SYT7: variants seen among roughly 807,000 people sequenced by gnomAD.
The protein encoded by SYT7 is synaptotagmin-7.
Under a neutral mutation model 75.1 loss-of-function variants are expected in SYT7, and 29 were observed. The observed-to-expected ratio is 0.39, with a 90% CI of 0.29 to 0.53. SYT7 has a LOEUF of 0.53. SYT7 is among the 20% of genes least tolerant of loss of function. The probability of loss-of-function intolerance (pLI) is 0.77; values close to 1 mark genes in which losing one functional copy is unlikely to be tolerated. For missense variants in SYT7, 693 were observed against 953.2 expected (o/e 0.73, Z 3.59); for synonymous variants, 376 against 401.7 (o/e 0.94, Z 0.76).
intron 6 of SYT7, among the ~76,000 whole-genome samples, chr11:61,541,456 G>A (rs1283960106): frequency 1.3e-5 from 2 of 152,126 alleles, no homozygotes; most frequent in Non-Finnish European, 2.9e-5. Flanking sequence ...GGGGGTGGGC[G>A]AATGGCTGGT....
At chr11:61,552,937 C>T (rs548134003) in intron 2 of SYT7, among the ~76,000 whole-genome samples, 78 of 152,308 alleles carry the variant, frequency 5.1e-4, no homozygotes, top group African/African-American at 1.8e-3. Flanking sequence ...TCCTATCTCC[C>T]GGCACGTGCT....
Position 61,523,895 on chromosome 11 carries a change from G to A in SYT7, c.1688C>T (p.Ala563Val). 6.2e-7 allele frequency: 1 copy of A among 1,614,052 alleles called. No individual in the cohort carries two copies. The highest frequency in any genetic ancestry group is 8.5e-7 in the Non-Finnish European group (1 of 1,179,970). ...GATGATGTTCACGATGATGGAGTTG[G>A]CAGAGGGGTTGTAGCAGAGAGACAA... The part of the protein sequence containing the change: ...LLLSLCYNPS[A>V]NSIIVNIIKA... The change falls in exon 11 of 13, where the codon GCC becomes GTC. Residue 563 changes from alanine to valine, a missense_variant. Coordinates refer to ENST00000539008, the MANE Select transcript of SYT7 (RefSeq NM_001365809.2). The surrounding 1 kb of genome is among the most constrained non-coding windows in gnomAD (Gnocchi z 5.0).
At chr11:61,544,761 G>A (rs1462916349) in intron 5 of SYT7, among the ~76,000 whole-genome samples, 2 of 152,238 alleles carry the variant, frequency 1.3e-5, no homozygotes, top group African/African-American at 4.8e-5. Context: ...AGGCTGGGAG[G>A]GTGGGGCACT....
rs1427447043 is a variant in SYT7, at chr11:61,551,981, G to A, written c.136-518C>T. Among the ~76,000 whole-genome samples, 1 of 152,108 alleles carries A rather than the reference G, an allele frequency of 6.6e-6. No individual in the cohort carries two copies. The highest frequency in any genetic ancestry group is 1.9e-4 in the East Asian group (1 of 5,180). On this transcript the variant is annotated intron_variant, in intron 2 of 12. Coordinates refer to ENST00000539008, the MANE Select transcript of SYT7 (RefSeq NM_001365809.2). The surrounding 1 kb of genome is among the most constrained non-coding windows in gnomAD (Gnocchi z 5.3). ...ACCACTGTCTGGGGGTTCTCTGGGGGGTCCTTGTGCCCTGGGGCTGTAAGG... is the reference window on the plus strand; with the variant it reads ...ACCACTGTCTGGGGGTTCTCTGGGGAGTCCTTGTGCCCTGGGGCTGTAAGG...
In SYT7 at chr11:61,538,132, C is replaced by A. The variant is rs771139010; in HGVS notation, c.1064+12G>T. On this transcript the variant is annotated intron_variant, in intron 7 of 12. Coordinates refer to ENST00000539008, the MANE Select transcript of SYT7 (RefSeq NM_001365809.2). ...TGCCGCCGCCGCCGCAGGCCCTCGC[C>A]TGTGCTCGTACCTCTTGTCCCCCTG... 1 of 1,535,882 alleles carries A rather than the reference C, an allele frequency of 6.5e-7. No individual in the cohort carries two copies. Among genetic ancestry groups the A allele is most frequent in the South Asian group, 1.2e-5 (1 of 84,058 alleles).
rs2062173576 is a variant in SYT7 at position 61,517,338 on chromosome 11, A to T, written c.*1289T>A. Reference sequence around the variant, plus strand: ...TGTGTGGCAACCTCAGAACTCACAGAATCCTGGTCTTTTCCCTGCCTCCTT... The same window carrying T: ...TGTGTGGCAACCTCAGAACTCACAGTATCCTGGTCTTTTCCCTGCCTCCTT... On this transcript the variant is annotated 3_prime_UTR_variant, in exon 13 of 13. Transcript: ENST00000539008. The T allele has an allele frequency of 2.5e-6, 1 of 398,652 alleles. No homozygotes were observed. Among genetic ancestry groups the T allele is most frequent in the Non-Finnish European group, 4.4e-6 (1 of 226,096 alleles). The allele number at this position is 398,652 out of a possible 1,614,324, so 24.7% of individuals were successfully genotyped here.
chr11:61,587,415 T>C, the SYT7 span, among the ~76,000 whole-genome samples: 8 of 152,232 alleles, frequency 5.3e-5, no homozygotes, highest in South Asian at 2.1e-4. Flanking sequence ...ATGATAGCAA[T>C]TGACCTGTTT....
At chr11:61,549,783 G>T (rs1325657725) in intron 3 of SYT7, among the ~76,000 whole-genome samples, 2 of 152,206 alleles carry the variant, frequency 1.3e-5, no homozygotes, top group African/African-American at 4.8e-5. Context: ...GGCCGCTGCT[G>T]CCTCACTTTG....
intron 9 of SYT7, 25 bp downstream of exon 9, chr11:61,527,890 C>CG: frequency 6.2e-7 from 1 of 1,609,328 alleles, no homozygotes; most frequent in Non-Finnish European, 8.5e-7. Flanking sequence ...GTGACCATGG[C>CG]GGGGGAAGGT....
Position 61,523,952 on chromosome 11 carries a change from C to A in SYT7, c.1642-11G>T. 1 of 1,612,556 alleles carries A rather than the reference C, an allele frequency of 6.2e-7. No individual in the cohort carries two copies. The highest frequency in any genetic ancestry group is 8.5e-7 in the Non-Finnish European group (1 of 1,178,734). ...CTCCCCTCGGCTCCCCTGGGAGGCA[C>A]GACAGGAGGGGTGTGGGGAACTAGG... On this transcript the variant is annotated splice_polypyrimidine_tract_variant and intron_variant, in intron 10 of 12. Coordinates refer to ENST00000539008, the MANE Select transcript of SYT7 (RefSeq NM_001365809.2). This position sits in a 1 kb window ranked among gnomAD's most constrained non-coding sequence, Gnocchi z 5.0.
chr11:61,517,372 CTG>C lies in SYT7; in HGVS notation c.*1253_*1254del, dbSNP rs2062174417. On this transcript the variant is annotated 3_prime_UTR_variant, in exon 13 of 13. Transcript: ENST00000539008. ...CTTTTCCCTGCCTCCTTTCCCTGCA[CTG>C]TGAGTGAGTCGGGCAGAAGGAGCTG... 3 of 398,620 alleles carry C rather than the reference CTG, an allele frequency of 7.5e-6. No individual in the cohort carries two copies. Among genetic ancestry groups the C allele is most frequent in the Non-Finnish European group, 1.3e-5 (3 of 226,156 alleles). 24.7% of individuals were successfully genotyped at this position (398,620 alleles called of 1,614,324 possible).
chr11:61,542,697 C>T lies in SYT7; in HGVS notation c.573-118G>A. ...CCAGTGCAGGGTGCGCGCTGCCGGA[C>T]CTCGCCAGGCCTCCATCGGAGCTGT... On this transcript the variant is annotated intron_variant, in intron 5 of 12. Transcript: ENST00000539008. The surrounding 1 kb of genome is among the most constrained non-coding windows in gnomAD (Gnocchi z 7.8). 1.5e-6 allele frequency: 2 copies of T among 1,375,656 alleles called. No individual in the cohort carries two copies. Among genetic ancestry groups the T allele is most frequent in the Non-Finnish European group, 1.9e-6 (2 of 1,069,354 alleles). The allele number at this position is 1,375,656 out of a possible 1,614,324, so 85.2% of individuals were successfully genotyped here.
intron 7 of SYT7, among the ~76,000 whole-genome samples, chr11:61,535,271 G>A (rs780330720): frequency 3.3e-5 from 5 of 152,210 alleles, no homozygotes; most frequent in Non-Finnish European, 7.3e-5. Flanking sequence ...AGGGAGGAGC[G>A]TGCGGCCAAC....
At position 61,546,555 on chromosome 11, in the gene SYT7, C is replaced by T; in HGVS notation, c.348-300G>A. 2.1e-6 allele frequency: 1 copy of T among 486,786 alleles called. No homozygotes were observed. The highest frequency in any genetic ancestry group is 1.7e-5 in the South Asian group (1 of 59,752). The allele number at this position is 486,786 out of a possible 1,614,324, so 30.2% of individuals were successfully genotyped here. ...CGCACCACGACAACGGAGGGGGGGC[C>T]CCTCCCCACCGCCTGGGGCAGGGGC... On this transcript the variant is annotated intron_variant, in intron 4 of 12. Coordinates refer to ENST00000539008, the MANE Select transcript of SYT7 (RefSeq NM_001365809.2). The surrounding 1 kb of genome is among the most constrained non-coding windows in gnomAD (Gnocchi z 7.6).
upstream of SYT7, among the ~76,000 whole-genome samples, chr11:61,582,972 A>G (rs1306910490): frequency 6.6e-6 from 1 of 152,134 alleles, no homozygotes; most frequent in East Asian, 1.9e-4. Flanking sequence ...TCACACCTGT[A>G]AGCCCAGCAC....
At chr11:61,565,085 C>T (rs937788748) in intron 1 of SYT7, among the ~76,000 whole-genome samples, 1 of 152,166 alleles carries the variant, frequency 6.6e-6, no homozygotes, top group East Asian at 1.9e-4. Context: ...ACGTCCCCAT[C>T]CTGAGCTTGC....
In SYT7 at chr11:61,551,051, G is replaced by A. The variant is rs2063333731; in HGVS notation, c.215+333C>T. On this transcript the variant is annotated intron_variant, in intron 3 of 12. Coordinates refer to ENST00000539008, the MANE Select transcript of SYT7 (RefSeq NM_001365809.2). The surrounding 1 kb of genome is among the most constrained non-coding windows in gnomAD (Gnocchi z 5.3). ...CCATGAGAGGGGCTTGGAGGTCCAG[G>A]GAAGCCGGCGGGTGGTGGGCACAGT... Among the ~76,000 whole-genome samples the A allele has an allele frequency of 6.6e-6, 1 of 152,146 alleles. No individual in the cohort carries two copies. The highest frequency in any genetic ancestry group is 1.5e-5 in the Non-Finnish European group (1 of 68,012).
In SYT7 at chr11:61,580,718, A is replaced by C; in HGVS notation, c.31+72T>G. On this transcript the variant is annotated intron_variant, in intron 1 of 12. Transcript: ENST00000539008. This position sits in a 1 kb window ranked among gnomAD's most constrained non-coding sequence, Gnocchi z 6.1. ...ACAACAGCCCCAGGCTGGGGCTCCGAGACGGCGTCCGGCGCTGCCGCTGTC... is the reference window on the plus strand; with the variant it reads ...ACAACAGCCCCAGGCTGGGGCTCCGCGACGGCGTCCGGCGCTGCCGCTGTC... The C allele has an allele frequency of 9.4e-7, 1 of 1,061,482 alleles. No homozygotes were observed. The highest frequency in any genetic ancestry group is 4.3e-5 in the South Asian group (1 of 23,142). The allele number at this position is 1,061,482 out of a possible 1,614,324, so 65.8% of individuals were successfully genotyped here.
intron 2 of SYT7, among the ~76,000 whole-genome samples, chr11:61,555,481 T>G (rs1410468234): frequency 6.6e-6 from 1 of 152,090 alleles, no homozygotes; most frequent in East Asian, 1.9e-4. Flanking sequence ...ACCGGCGCCC[T>G]CAGGGGATGA....
Sources: allele counts gnomAD v4.1 joint callset (sites outside exome capture counted in the v4.1 genomes callset), GRCh38; gene constraint gnomAD v4.1.1; non-coding constraint Gnocchi (gnomAD v3.1); transcripts MANE v1.5; gene names NCBI Gene and HGNC (gene_info 2026-07-23, HGNC 2026-07-21).